PCDH9: variants seen among roughly 807,000 people sequenced by gnomAD.
PCDH9 encodes protocadherin 9, also known as protocadherin-9.
A neutral mutation model predicts 70.6 loss-of-function variants in PCDH9; 24 were observed. The observed-to-expected ratio is 0.34, with a 90% CI of 0.25 to 0.48. The LOEUF (loss-of-function observed/expected upper bound fraction) is 0.48, where lower values mean the gene tolerates loss of function less well. Ranked by LOEUF, PCDH9 falls within the 20% of genes least tolerant of loss-of-function variation. The pLI is 0.99. For missense variants in PCDH9, 1,281 were observed against 1,503.6 expected, an observed-to-expected ratio of 0.85 and a Z score of 2.45; for synonymous variants, 562 against 558.5, an observed-to-expected ratio of 1.01 and a Z score of -0.09.
intron 4 of PCDH9, among the ~76,000 whole-genome samples, chr13:66,475,970 T>G (rs901875357): frequency 1.3e-5 from 2 of 152,096 alleles, no homozygotes; most frequent in African/African-American, 4.8e-5. Flanking sequence ...TTGTTGTTCT[T>G]TGAGTTAACT....
At chr13:66,670,227 T>G (rs1249972020) in intron 3 of PCDH9, among the ~76,000 whole-genome samples, 1 of 152,202 alleles carries the variant, frequency 6.6e-6, no homozygotes. Flanking sequence ...AATAGAATTC[T>G]GCAACATAAT....
chr13:66,755,662 C>T (rs1019347969), intron 3 of PCDH9, among the ~76,000 whole-genome samples: 2 of 152,036 alleles, frequency 1.3e-5, no homozygotes, highest in Non-Finnish European at 2.9e-5. Flanking sequence ...AAGTGCACAA[C>T]TGACCATAAT....
intron 4 of PCDH9, among the ~76,000 whole-genome samples, chr13:66,322,094 A>G (rs1035936150): frequency 6.6e-6 from 1 of 151,894 alleles, no homozygotes; most frequent in African/African-American, 2.4e-5. Context: ...ATTCTTTGAA[A>G]TTGATGCTAA....
At chr13:66,989,942 CA>C (rs1163037573) in intron 2 of PCDH9, among the ~76,000 whole-genome samples, 1 of 151,722 alleles carries the variant, frequency 6.6e-6, no homozygotes, top group East Asian at 1.9e-4. Context: ...TTAGAAGAAA[CA>C]AATAAGCACT....
intron 3 of PCDH9, among the ~76,000 whole-genome samples, chr13:66,697,810 T>C (rs1232926564): frequency 6.6e-6 from 1 of 152,206 alleles, no homozygotes; most frequent in African/African-American, 2.4e-5. Flanking sequence ...AGAATTTGAA[T>C]AGCTATTTGT....
intron 4 of PCDH9, among the ~76,000 whole-genome samples, chr13:66,618,724 C>G (rs1390654772): frequency 6.6e-6 from 1 of 152,134 alleles, no homozygotes; most frequent in Non-Finnish European, 1.5e-5. Context: ...TTACCACTCT[C>G]AAATTACTAT....
chr13:66,588,851 A>AT (rs998056367), intron 4 of PCDH9, among the ~76,000 whole-genome samples: 1 of 151,558 alleles, frequency 6.6e-6, no homozygotes, highest in African/African-American at 2.4e-5. Context: ...TAAAAATTCC[A>AT]TTTTTTCAGG....
intron 2 of PCDH9, among the ~76,000 whole-genome samples, chr13:67,126,219 C>T (rs186889724): frequency 6.4e-4 from 97 of 152,266 alleles, no homozygotes; most frequent in Admixed American, 8.5e-4. Context: ...ATTTAACTAT[C>T]TTAATCAACC....
chr13:66,975,876 A>T (rs2083609725), intron 2 of PCDH9, among the ~76,000 whole-genome samples: 1 of 152,088 alleles, frequency 6.6e-6, no homozygotes, highest in Admixed American at 6.6e-5. Flanking sequence ...TCCAAGAGGA[A>T]CTTTACAATG....
intron 3 of PCDH9, among the ~76,000 whole-genome samples, chr13:66,849,503 T>TAGAGAGAG (rs1348037438): frequency 2.0e-4 from 19 of 92,740 alleles, no homozygotes; most frequent in Non-Finnish European, 3.0e-4. Flanking sequence ...TATATATATA[T>TAGAGAGAG]ATATATATAT....
chr13:66,604,271 G>T (rs1377903515), intron 4 of PCDH9, among the ~76,000 whole-genome samples: 3 of 151,774 alleles, frequency 2.0e-5, no homozygotes, highest in African/African-American at 7.3e-5. Context: ...ACATATTTTT[G>T]TCAATGCACC....
chr13:67,043,354 G>A (rs1250968559), intron 2 of PCDH9, among the ~76,000 whole-genome samples: 2 of 152,104 alleles, frequency 1.3e-5, no homozygotes, highest in African/African-American at 4.8e-5. Context: ...CGATATACGA[G>A]GATTGTATAA....
intron 4 of PCDH9, among the ~76,000 whole-genome samples, chr13:66,359,950 T>C (rs918697156): frequency 6.6e-6 from 1 of 152,144 alleles, no homozygotes; most frequent in Non-Finnish European, 1.5e-5. Flanking sequence ...GGTAGCTATT[T>C]ATACATCTTT....
chr13:66,674,993 T>C (rs926126683), intron 3 of PCDH9, among the ~76,000 whole-genome samples: 5 of 152,252 alleles, frequency 3.3e-5, no homozygotes, highest in African/African-American at 4.8e-5. Flanking sequence ...ATTTAACTCA[T>C]TTCATGATTT....
intron 4 of PCDH9, among the ~76,000 whole-genome samples, chr13:66,360,647 A>C (rs997039736): frequency 6.6e-6 from 1 of 152,094 alleles, no homozygotes; most frequent in Admixed American, 6.6e-5. Context: ...AGTCTATTGT[A>C]TATTAAAAAA....
intron 3 of PCDH9, among the ~76,000 whole-genome samples, chr13:66,852,702 T>C (rs1335501138): frequency 6.6e-6 from 1 of 152,228 alleles, no homozygotes; most frequent in African/African-American, 2.4e-5. Flanking sequence ...TATTTGTAAG[T>C]AAAGTTTCTT....
At chr13:66,397,515 C>T (rs1309475817) in intron 4 of PCDH9, among the ~76,000 whole-genome samples, 1 of 147,462 alleles carries the variant, frequency 6.8e-6, no homozygotes, top group Non-Finnish European at 1.5e-5. Flanking sequence ...AAATGTATGT[C>T]GATATATATG....
chr13:66,887,388 A>C (rs190486119), intron 3 of PCDH9, among the ~76,000 whole-genome samples: 21 of 152,328 alleles, frequency 1.4e-4, no homozygotes, highest in African/African-American at 5.1e-4. Context: ...CTAGAAAAAA[A>C]AAATGCTACG....
intron 2 of PCDH9, among the ~76,000 whole-genome samples, chr13:67,085,020 A>ATG (rs1555305448): frequency 8.0e-6 from 1 of 125,036 alleles, no homozygotes; most frequent in Non-Finnish European, 1.7e-5. Context: ...ATATATATAT[A>ATG]TATGTATATG....
Sources: gnomAD v4.1 joint callset for allele counts (sites outside exome capture counted in the v4.1 genomes callset) on GRCh38, gnomAD v4.1.1 for gene constraint, MANE v1.5 for transcripts, NCBI Gene and HGNC (gene_info 2026-07-23, HGNC 2026-07-21) for gene names.